ME1: variants seen among roughly 807,000 people sequenced by gnomAD.
The protein encoded by ME1 is NADP-dependent malic enzyme.
ME1 carries 74 observed loss-of-function variants against 66.4 expected under a neutral mutation model. The observed-to-expected ratio is 1.11, with a 90% CI of 0.92 to 1.35. The LOEUF is 1.35. ME1 is among the 40% of genes most tolerant of loss of function. The pLI, the probability that ME1 is intolerant of heterozygous loss-of-function variation, is 0.00. For synonymous variants in ME1, 251 were observed against 235.6 expected (o/e 1.07, Z -0.60); for missense variants, 750 against 694.1 (o/e 1.08, Z -0.90).
rs149010835 is a variant in ME1 at position 83,347,110 on chromosome 6, C to T, written c.439-776G>A. Among the ~76,000 whole-genome samples, 1,269 of 152,130 alleles carry T rather than the reference C, an allele frequency of 8.3e-3. 16 individuals carry two copies. The highest frequency in any genetic ancestry group is 0.028 in the African/African-American group (1,182 of 41,494). On this transcript the variant is annotated intron_variant, in intron 4 of 13. Coordinates refer to ENST00000369705, the MANE Select transcript of ME1 (RefSeq NM_002395.6). The stretch of plus-strand genomic sequence containing the variant: ...CTGGGATTACAGGCGCCCGCCACCA[C>T]GCCCGGCTAATTTTTGTATTTTTAG...
At chr6:83,290,252 CT>C (rs558413971) in intron 6 of ME1, among the ~76,000 whole-genome samples, 75 of 152,256 alleles carry the variant, frequency 4.9e-4, no homozygotes, top group African/African-American at 1.7e-3. Flanking sequence ...CCTGCTTTCT[CT>C]TGTGGGCATT....
intron 7 of ME1, among the ~76,000 whole-genome samples, chr6:83,239,852 C>T (rs974845472): frequency 6.6e-6 from 1 of 151,982 alleles, no homozygotes; most frequent in South Asian, 2.1e-4. Context: ...TTGAAAACTT[C>T]CCTAAAAGAA....
chr6:83,401,452 G>A (rs1262944842), intron 2 of ME1, among the ~76,000 whole-genome samples: 1 of 152,082 alleles, frequency 6.6e-6, no homozygotes, highest in Admixed American at 6.6e-5. Flanking sequence ...ATATATCGAG[G>A]AACAGTCTGT....
intron 3 of ME1, among the ~76,000 whole-genome samples, chr6:83,360,189 T>C (rs914523013): frequency 6.6e-6 from 1 of 152,056 alleles, no homozygotes; most frequent in Non-Finnish European, 1.5e-5. Flanking sequence ...GGAGGCCAGA[T>C]CCCCTGGAGG....
intron 5 of ME1, among the ~76,000 whole-genome samples, chr6:83,321,433 A>G (rs1768171472): frequency 6.6e-6 from 1 of 152,156 alleles, no homozygotes; most frequent in African/African-American, 2.4e-5. Context: ...CCAGCACAGC[A>G]GTCAGACCTG....
chr6:83,375,273 A>T (rs532747014), intron 3 of ME1, among the ~76,000 whole-genome samples: 1 of 152,146 alleles, frequency 6.6e-6, no homozygotes, highest in East Asian at 1.9e-4. Flanking sequence ...TATCTCCTCG[A>T]GCAGTGGTTT....
At chr6:83,280,742 GA>G (rs10718659) in intron 6 of ME1, among the ~76,000 whole-genome samples, 10,780 of 152,192 alleles carry the variant, frequency 0.071, 464 homozygotes, top group Admixed American at 0.098. Flanking sequence ...AAATGTGTCA[GA>G]ATTTTATAGC....
intron 3 of ME1, among the ~76,000 whole-genome samples, chr6:83,390,911 T>C (rs565470295): frequency 2.6e-5 from 4 of 152,036 alleles, no homozygotes; most frequent in Admixed American, 6.6e-5. Context: ...CACATACTTA[T>C]ATAAGTTTAT....
intron 3 of ME1, among the ~76,000 whole-genome samples, chr6:83,389,874 C>T (rs1375762038): frequency 1.3e-5 from 2 of 152,006 alleles, no homozygotes; most frequent in Non-Finnish European, 2.9e-5. Flanking sequence ...GATTGCACTA[C>T]CAAATACTGG....
At chr6:83,422,902 T>A (rs1215357289) in intron 1 of ME1, among the ~76,000 whole-genome samples, 1 of 151,886 alleles carries the variant, frequency 6.6e-6, no homozygotes, top group Non-Finnish European at 1.5e-5. Context: ...ATTTGTATCA[T>A]CAGAGTCCCA....
chr6:83,364,979 G>C (rs936271332), intron 3 of ME1, among the ~76,000 whole-genome samples: 3 of 152,126 alleles, frequency 2.0e-5, no homozygotes, highest in African/African-American at 7.2e-5. Context: ...CTCCTACCTG[G>C]AAGTCCTCCT....
chr6:83,310,136 C>T (rs1767903605), intron 6 of ME1, among the ~76,000 whole-genome samples: 2 of 152,238 alleles, frequency 1.3e-5, no homozygotes, highest in East Asian at 1.9e-4. Context: ...ATATGCCCCT[C>T]GGATCCCCCA....
intron 3 of ME1, among the ~76,000 whole-genome samples, chr6:83,352,780 T>A (rs1001374576): frequency 6.6e-6 from 1 of 152,182 alleles, no homozygotes; most frequent in Non-Finnish European, 1.5e-5. Context: ...TAATAGAATT[T>A]AAAATATGTA....
chr6:83,262,037 A>G (rs916521338), intron 6 of ME1, among the ~76,000 whole-genome samples: 30 of 151,934 alleles, frequency 2.0e-4, no homozygotes, highest in African/African-American at 7.0e-4. Context: ...AAAAGAAAAA[A>G]GAAAAAGCAT....
rs1770474996 is a variant in ME1, at chr6:83,430,916, C to A, written c.39G>T (p.Gln13His). The A allele has an allele frequency of 2.5e-6, 4 of 1,602,346 alleles. No individual in the cohort carries two copies. The highest frequency in any genetic ancestry group is 3.4e-6 in the Non-Finnish European group (4 of 1,174,908). Residue 13 changes from glutamine to histidine, a missense_variant, in exon 1 of 14, where the codon CAG becomes CAT. Physicochemically the swap from Gln to His is conservative, Grantham distance 24 (BLOSUM62 0). Coordinates refer to ENST00000369705, the MANE Select transcript of ME1 (RefSeq NM_002395.6). ...GGTTCCGTGTCAGCAGGTAGCCGCGCTGATGGGTGTGGCGGCGACGGGGGG... is the reference window on the plus strand; with the variant it reads ...GGTTCCGTGTCAGCAGGTAGCCGCGATGATGGGTGTGGCGGCGACGGGGGG... ...PEAPRRRHTH[Q>H]RGYLLTRNPH...
rs533873402 is a variant in ME1 at position 83,239,505 on chromosome 6, T to G, written c.912+34A>C. ...CAATTAACACTAATTATATGTTAGT[T>G]TAGGAGAACATAAGTATTACACAAG... On this transcript the variant is annotated intron_variant, in intron 8 of 13. Coordinates refer to ENST00000369705, the MANE Select transcript of ME1 (RefSeq NM_002395.6). The G allele has an allele frequency of 1.8e-5, 25 of 1,408,690 alleles. No individual in the cohort carries two copies. In the South Asian group the frequency reaches 2.1e-4, roughly 12 times the overall value. 87.3% of individuals were successfully genotyped at this position (1,408,690 alleles called of 1,614,324 possible).
At chr6:83,383,215 G>T (rs1207272910) in intron 3 of ME1, among the ~76,000 whole-genome samples, 1 of 151,718 alleles carries the variant, frequency 6.6e-6, no homozygotes, top group Non-Finnish European at 1.5e-5. Flanking sequence ...AAAGTATTAG[G>T]AGGAAGAAAA....
In ME1 at chr6:83,246,948, T is replaced by G. The variant is rs182084195; in HGVS notation, c.814+6681A>C. On this transcript the variant is annotated intron_variant, in intron 7 of 13. Transcript: ENST00000369705. ...TGCTGTTTAATAAATTTTTAAAAAC[T>G]TAATAGTAAGGCTAAACTCCAAAAA... 9.9e-4 allele frequency among the ~76,000 whole-genome samples: 150 copies of G among 152,280 alleles called. 1 individual carries two copies. Among genetic ancestry groups the G allele is most frequent in the African/African-American group, 3.5e-3 (146 of 41,586 alleles).
chr6:83,340,460 G>T (rs772677230), intron 5 of ME1, among the ~76,000 whole-genome samples: 43 of 152,054 alleles, frequency 2.8e-4, no homozygotes, highest in Non-Finnish European at 1.9e-4. Flanking sequence ...ATTTTATAAA[G>T]AACTTTTGCT....
Sources: gnomAD v4.1 joint callset for allele counts (sites outside exome capture counted in the v4.1 genomes callset) on GRCh38, gnomAD v4.1.1 for gene constraint, MANE v1.5 for transcripts, NCBI Gene and HGNC (gene_info 2026-07-23, HGNC 2026-07-21) for gene names.